The following SMARCA2 variants were observed in gnomAD, a reference collection of about 807,000 sequenced individuals.
SMARCA2 encodes the protein SWI/SNF related BAF chromatin remodeling complex subunit ATPase 2, also known as SWI/SNF-related matrix-associated actin-dependent regulator of chromatin subfamily A member 2.
A neutral mutation model predicts 199.8 loss-of-function variants in SMARCA2; 61 were observed. That is an observed-to-expected ratio of 0.31 (90% CI 0.25 to 0.38). The LOEUF is 0.38. Among genes scored for constraint, SMARCA2 ranks in the 10% least tolerant of loss-of-function variants. The pLI is 1.00. For synonymous variants in SMARCA2, 935 were observed against 732.0 expected, an observed-to-expected ratio of 1.28 and a Z score of -4.48; for missense variants, 1,344 against 2,012.2, an observed-to-expected ratio of 0.67 and a Z score of 6.35.
At chr9:2,141,788 T>A (rs759298694) in intron 27 of SMARCA2, among the ~76,000 whole-genome samples, 12 of 152,246 alleles carry the variant, frequency 7.9e-5, no homozygotes, top group Non-Finnish European at 1.6e-4. Context: ...TATAGGACTA[T>A]GGGAGTTTAG....
chr9:2,191,359 C>T lies in SMARCA2; in HGVS notation c.4688C>T (p.Ala1563Val), dbSNP rs769286681. The change falls in exon 33 of 34, where the codon GCC becomes GTC. Residue 1563 changes from alanine to valine, a missense_variant. Around this residue, in one of 18 missense-constraint regions of SMARCA2, gnomAD observed 155 missense variants for 121.1 expected, o/e 1.28. Coordinates refer to ENST00000349721, the MANE Select transcript of SMARCA2 (RefSeq NM_003070.5). Reference protein sequence around the residue: ...KGKKRPNRGKAKPVVSDFDSD... With the variant: ...KGKKRPNRGKVKPVVSDFDSD... ...AAGAAAAGGCCAAATCGAGGAAAAG[C>T]CAAACCTGTAGTGAGCGATTTTGAC... The T allele has an allele frequency of 1.2e-6, 2 of 1,614,208 alleles. No homozygotes were observed. Among genetic ancestry groups the T allele is most frequent in the South Asian group, 2.2e-5 (2 of 91,084 alleles).
intron 26 of SMARCA2, among the ~76,000 whole-genome samples, chr9:2,120,733 A>G (rs1823422682): frequency 6.6e-6 from 1 of 152,214 alleles, no homozygotes; most frequent in Non-Finnish European, 1.5e-5. Flanking sequence ...AGCTGTGGGA[A>G]TAACTACTAA....
In SMARCA2 at chr9:2,126,398, G is replaced by A. The variant is rs117884642; in HGVS notation, c.3981+2461G>A. ...TTATTAATCAGGACATGCAATGGAT[G>A]CAACATGCCCCATGGCCTAAGCATT... On this transcript the variant is annotated intron_variant, in intron 27 of 33. Transcript: ENST00000349721. Among the ~76,000 whole-genome samples, 543 of 152,380 alleles carry A rather than the reference G, an allele frequency of 3.6e-3. 9 individuals carry two copies. The highest frequency in any genetic ancestry group is 6.2e-3 in the Non-Finnish European group (424 of 68,046).
At chr9:2,135,046 C>G (rs748854049) in intron 27 of SMARCA2, among the ~76,000 whole-genome samples, 1 of 152,154 alleles carries the variant, frequency 6.6e-6, no homozygotes, top group Admixed American at 6.5e-5. Flanking sequence ...GCAAGAAATC[C>G]CATGAGATGC....
At chr9:2,048,621 G>A (rs1361772983) in intron 5 of SMARCA2, among the ~76,000 whole-genome samples, 2 of 152,220 alleles carry the variant, frequency 1.3e-5, no homozygotes, top group East Asian at 3.8e-4. Flanking sequence ...CCAGCCTAGA[G>A]AGGTAATCTG....
At chr9:2,049,293 T>G (rs946813943) in intron 5 of SMARCA2, among the ~76,000 whole-genome samples, 1 of 152,240 alleles carries the variant, frequency 6.6e-6, no homozygotes, top group Non-Finnish European at 1.5e-5. Flanking sequence ...TGCAGGACTT[T>G]CTTGTAATAA....
At position 2,029,895 on chromosome 9, in the gene SMARCA2, G is replaced by A. The variant is rs150728137; in HGVS notation, c.225+648G>A. Among the ~76,000 whole-genome samples the A allele has an allele frequency of 7.7e-4, 118 of 152,320 alleles. No homozygotes were observed. In the East Asian group the frequency reaches 0.018, roughly 24 times the overall value. On this transcript the variant is annotated intron_variant, in intron 2 of 33. Transcript: ENST00000349721. Reference sequence around the variant, plus strand: ...ATGAGGCTTGGATTGTTGCTGTGGGGATGATCATATCTGTACAACTTGGCA... The same window carrying A: ...ATGAGGCTTGGATTGTTGCTGTGGGAATGATCATATCTGTACAACTTGGCA...
At chr9:2,189,689 G>C (rs1827745037) in intron 32 of SMARCA2, among the ~76,000 whole-genome samples, 1 of 151,958 alleles carries the variant, frequency 6.6e-6, no homozygotes, top group Non-Finnish European at 1.5e-5. Context: ...CTTATAGCTT[G>C]TCAAGCAGCA....
rs1818422631 is a variant in SMARCA2 at position 2,017,733 on chromosome 9, T to G, written c.-37+2329T>G. On this transcript the variant is annotated intron_variant, in intron 1 of 33. Coordinates refer to ENST00000349721, the MANE Select transcript of SMARCA2 (RefSeq NM_003070.5). The surrounding 1 kb of genome is among the most constrained non-coding windows in gnomAD (Gnocchi z 8.8). Reference sequence around the variant, plus strand: ...GCCGCGGCTCGGAGACCGGTTCCCGTCCGCCGGCCGCGCCGCCACCCCAAG... The same window carrying G: ...GCCGCGGCTCGGAGACCGGTTCCCGGCCGCCGGCCGCGCCGCCACCCCAAG... The G allele has an allele frequency of 6.6e-6, 1 of 152,052 alleles. No individual in the cohort carries two copies. Among genetic ancestry groups the G allele is most frequent in the Non-Finnish European group, 1.5e-5 (1 of 68,024 alleles). The allele number at this position is 152,052 out of a possible 1,614,324, so 9.4% of individuals were successfully genotyped here.
chr9:2,051,938 ATGT>A (rs1180060459), intron 5 of SMARCA2, among the ~76,000 whole-genome samples: 3 of 152,180 alleles, frequency 2.0e-5, no homozygotes, highest in African/African-American at 7.2e-5. Context: ...GGCTACATAG[ATGT>A]TGTAGAAAAT....
intron 9 of SMARCA2, among the ~76,000 whole-genome samples, chr9:2,065,008 C>G (rs1820769283): frequency 6.6e-6 from 1 of 152,124 alleles, no homozygotes; most frequent in Non-Finnish European, 1.5e-5. Flanking sequence ...CATGTTGAAA[C>G]CCCATCTCTA....
At chr9:2,143,099 T>TA (rs1163909544) in intron 27 of SMARCA2, among the ~76,000 whole-genome samples, 1 of 152,206 alleles carries the variant, frequency 6.6e-6, no homozygotes. Context: ...ATTGTGCTAG[T>TA]ACAGGGGAAG....
intron 15 of SMARCA2, among the ~76,000 whole-genome samples, chr9:2,082,855 A>G (rs1395919582): frequency 6.6e-6 from 1 of 152,174 alleles, no homozygotes; most frequent in African/African-American, 2.4e-5. Flanking sequence ...CATTTGATCT[A>G]TATTTTGCGT....
At chr9:2,178,378 A>AG (rs1239283595) in intron 29 of SMARCA2, among the ~76,000 whole-genome samples, 2 of 152,188 alleles carry the variant, frequency 1.3e-5, no homozygotes, top group East Asian at 1.9e-4. Context: ...GGTCTTGGGG[A>AG]GGGGGTCTCA....
chr9:2,147,022 A>T (rs1198876704), intron 27 of SMARCA2, among the ~76,000 whole-genome samples: 1 of 152,144 alleles, frequency 6.6e-6, no homozygotes, highest in Admixed American at 6.5e-5. Flanking sequence ...CATAGCCCCT[A>T]TTCAAGATGG....
chr9:2,146,636 A>C (rs111729698), intron 27 of SMARCA2, among the ~76,000 whole-genome samples: 3 of 152,216 alleles, frequency 2.0e-5, no homozygotes, highest in Non-Finnish European at 4.4e-5. Context: ...GGGATAAAGA[A>C]TGGCTACTCC....
chr9:2,049,937 A>G (rs1239847133), intron 5 of SMARCA2, among the ~76,000 whole-genome samples: 1 of 152,238 alleles, frequency 6.6e-6, no homozygotes, highest in East Asian at 1.9e-4. Flanking sequence ...CCTCTTTTAC[A>G]ATTTGATAAA....
intron 5 of SMARCA2, chr9:2,047,953 A>C (rs1819946857): frequency 6.6e-6 from 1 of 152,218 alleles, no homozygotes; most frequent in Non-Finnish European, 1.5e-5. Context: ...TCTATACTTA[A>C]ATCATTAGTC....
chr9:2,032,110 A>G (rs541333030), intron 2 of SMARCA2, among the ~76,000 whole-genome samples: 5 of 152,244 alleles, frequency 3.3e-5, no homozygotes, highest in African/African-American at 9.6e-5. Context: ...CAAAACTGCA[A>G]ACACTCATAC....
Sources: gnomAD v4.1 joint callset for allele counts (sites outside exome capture counted in the v4.1 genomes callset) on GRCh38, gnomAD v4.1.1 for gene constraint, gnomAD v4.1.1 regional missense constraint, Gnocchi (gnomAD v3.1) non-coding constraint, MANE v1.5 for transcripts, NCBI Gene and HGNC (gene_info 2026-07-23, HGNC 2026-07-21) for gene names.